PEX5L: variants seen among roughly 807,000 people sequenced by gnomAD.
PEX5L encodes peroxisomal biogenesis factor 5 like.
Under a neutral mutation model 84.0 loss-of-function variants are expected in PEX5L, and 30 were observed. The ratio of observed to expected loss-of-function variants is 0.36; its 90% confidence interval spans 0.27 to 0.48. The LOEUF (loss-of-function observed/expected upper bound fraction) is 0.48. PEX5L is among the 20% of genes least tolerant of loss of function. The probability of loss-of-function intolerance (pLI) is 0.99; values close to 1 mark genes in which losing one functional copy is unlikely to be tolerated. For synonymous variants in PEX5L, 270 were observed against 283.1 expected (o/e 0.95, Z 0.46); for missense variants, 533 against 754.6 (o/e 0.71, Z 3.44).
intron 3 of PEX5L, among the ~76,000 whole-genome samples, chr3:179,896,955 G>T (rs1759525077): frequency 6.6e-6 from 1 of 152,056 alleles, no homozygotes; most frequent in African/African-American, 2.4e-5. Context: ...TTAGGAAGTA[G>T]CATCTCTTCT....
At chr3:179,819,820 G>C (rs780680108) in intron 9 of PEX5L, 40 bp downstream of exon 9, 32 of 1,570,438 alleles carry the variant, frequency 2.0e-5, no homozygotes, top group Non-Finnish European at 2.5e-5. Flanking sequence ...CAAAAAGGTG[G>C]AGAAAAGTAG....
At chr3:179,892,949 G>T (rs1182272288) in intron 3 of PEX5L, among the ~76,000 whole-genome samples, 1 of 152,132 alleles carries the variant, frequency 6.6e-6, no homozygotes, top group East Asian at 1.9e-4. Context: ...TTAAATCACA[G>T]ATTCAAATCT....
intron 11 of PEX5L, among the ~76,000 whole-genome samples, chr3:179,811,213 ATGTATG>A (rs776862578): frequency 6.7e-5 from 4 of 60,034 alleles, no homozygotes; most frequent in East Asian, 1.2e-3. Flanking sequence ...AACATATGGA[ATGTATG>A]TGTGTGTGTG....
intron 2 of PEX5L, among the ~76,000 whole-genome samples, chr3:179,929,433 G>A (rs4627753): frequency 0.78 from 118,447 of 151,670 alleles, 46,519 homozygotes; most frequent in African/African-American, 0.85. Flanking sequence ...TCCATATTCT[G>A]TATTACATTT....
chr3:179,918,556 G>A (rs1768089648), intron 2 of PEX5L, among the ~76,000 whole-genome samples: 1 of 152,122 alleles, frequency 6.6e-6, no homozygotes, highest in Non-Finnish European at 1.5e-5. Context: ...GACCAAGGGG[G>A]CAAAAAGCCT....
chr3:179,922,187 C>A (rs537424230), intron 2 of PEX5L, among the ~76,000 whole-genome samples: 2 of 152,334 alleles, frequency 1.3e-5, no homozygotes, highest in East Asian at 3.9e-4. Context: ...TTGCCAAGCA[C>A]TGTCCCAGGC....
intron 1 of PEX5L, among the ~76,000 whole-genome samples, chr3:180,029,188 T>C (rs1360992014): frequency 1.3e-5 from 2 of 152,094 alleles, no homozygotes; most frequent in Admixed American, 6.5e-5. Context: ...TCTAAATAAA[T>C]AGTTTATTTT....
rs1718596530 is a variant in PEX5L, at chr3:179,800,656, C to T, written c.*1172G>A. 6.6e-6 allele frequency: 1 copy of T among 152,124 alleles called. No individual in the cohort carries two copies. Among genetic ancestry groups the T allele is most frequent in the South Asian group, 2.1e-4 (1 of 4,830 alleles). The allele number at this position is 152,124 out of a possible 1,614,324, so 9.4% of individuals were successfully genotyped here. A position where few individuals can be genotyped will look rare whatever the true frequency, so the allele number is the denominator to read the frequency against. ...TCTTTCATATGAAATCACTGGCATT[C>T]AGTGAGATTTGGTTTGAAAGTGTTG... On this transcript the variant is annotated 3_prime_UTR_variant, in exon 15 of 15. Transcript: ENST00000467460.
At chr3:179,862,535 T>A (rs1746588312) in intron 7 of PEX5L, among the ~76,000 whole-genome samples, 1 of 152,214 alleles carries the variant, frequency 6.6e-6, no homozygotes, top group Non-Finnish European at 1.5e-5. Flanking sequence ...GGCATTTATT[T>A]CCCAACTGGC....
intron 5 of PEX5L, among the ~76,000 whole-genome samples, chr3:179,877,775 TA>T (rs1265871069): frequency 6.6e-6 from 1 of 152,220 alleles, no homozygotes; most frequent in East Asian, 1.9e-4. Context: ...TAATATATTT[TA>T]ATCTAAATCT....
intron 4 of PEX5L, among the ~76,000 whole-genome samples, chr3:179,884,377 A>G (rs1755111801): frequency 6.6e-6 from 1 of 152,206 alleles, no homozygotes; most frequent in Admixed American, 6.5e-5. Flanking sequence ...ATGGAGACCA[A>G]TGTGAGAGAG....
At chr3:179,992,219 T>C (rs1787448261) in intron 1 of PEX5L, among the ~76,000 whole-genome samples, 1 of 152,302 alleles carries the variant, frequency 6.6e-6, no homozygotes, top group African/African-American at 2.4e-5. Flanking sequence ...AATTGTTAGA[T>C]TGCTTAAGAT....
intron 10 of PEX5L, among the ~76,000 whole-genome samples, chr3:179,812,897 C>T (rs911939404): frequency 6.6e-6 from 1 of 151,792 alleles, no homozygotes; most frequent in African/African-American, 2.4e-5. Context: ...ACTCCCCAAA[C>T]ATCATTTTAG....
intron 1 of PEX5L, among the ~76,000 whole-genome samples, chr3:180,006,708 T>A (rs1403122961): frequency 1.3e-5 from 2 of 152,162 alleles, no homozygotes; most frequent in African/African-American, 4.8e-5. Flanking sequence ...CTTCTTACAT[T>A]TTGGCAGCAA....
intron 1 of PEX5L, among the ~76,000 whole-genome samples, chr3:179,998,396 C>T (rs1317208107): frequency 1.3e-5 from 2 of 152,168 alleles, no homozygotes; most frequent in Non-Finnish European, 2.9e-5. Context: ...GTTGCTCTGC[C>T]ACTTGGGCCA....
chr3:179,836,350 A>G lies in PEX5L; in HGVS notation c.823-16374T>C, dbSNP rs1474739137. Among the ~76,000 whole-genome samples the G allele has an allele frequency of 3.9e-5, 6 of 152,216 alleles. No homozygotes were observed. In the East Asian group the frequency reaches 1.2e-3, roughly 29 times the overall value. On this transcript the variant is annotated intron_variant, in intron 8 of 14. Transcript: ENST00000467460. ...GTGAAAGTAGAACTTTACTGTGCAC[A>G]TAATTTTATAATCCTTTATTATGGA...
At chr3:179,912,850 T>G (rs896358162) in intron 2 of PEX5L, among the ~76,000 whole-genome samples, 1 of 152,112 alleles carries the variant, frequency 6.6e-6, no homozygotes, top group African/African-American at 2.4e-5. Flanking sequence ...ATTCTAAAGA[T>G]TCCAAGTTAT....
intron 2 of PEX5L, among the ~76,000 whole-genome samples, chr3:179,927,044 A>G (rs1314440090): frequency 6.6e-6 from 1 of 152,216 alleles, no homozygotes; most frequent in Non-Finnish European, 1.5e-5. Flanking sequence ...TCTCAGTTAA[A>G]AAATGAAAGT....
intron 1 of PEX5L, among the ~76,000 whole-genome samples, chr3:179,997,543 T>C (rs1353141509): frequency 6.6e-6 from 1 of 152,096 alleles, no homozygotes; most frequent in African/African-American, 2.4e-5. Context: ...TCAAAAACAA[T>C]ATCACATCCC....
Sources: allele counts gnomAD v4.1 joint callset (sites outside exome capture counted in the v4.1 genomes callset), GRCh38; gene constraint gnomAD v4.1.1; transcripts MANE v1.5; gene names NCBI Gene and HGNC (gene_info 2026-07-23, HGNC 2026-07-21).